Variants in CACNA2D2 observed in about 807,000 individuals in gnomAD.
The protein encoded by CACNA2D2 is voltage-dependent calcium channel subunit alpha-2/delta-2.
Under a neutral mutation model 166.4 loss-of-function variants are expected in CACNA2D2, and 48 were observed. The observed-to-expected ratio is 0.29, with a 90% CI of 0.23 to 0.37. The LOEUF (loss-of-function observed/expected upper bound fraction) is 0.37. Ranked by LOEUF, CACNA2D2 falls within the 10% of genes least tolerant of loss-of-function variation. The pLI, the probability that CACNA2D2 is intolerant of heterozygous loss-of-function variation, is 1.00. For missense variants in CACNA2D2, 1,122 were observed against 1,433.0 expected, an observed-to-expected ratio of 0.78 and a Z score of 3.50; for synonymous variants, 561 against 573.7, an observed-to-expected ratio of 0.98 and a Z score of 0.32.
chr3:50,488,174 C>T (rs1698368968), intron 1 of CACNA2D2, among the ~76,000 whole-genome samples: 1 of 152,192 alleles, frequency 6.6e-6, no homozygotes, highest in Non-Finnish European at 1.5e-5. Context: ...GGGCTCCACA[C>T]ACAGTGATGC....
At chr3:50,426,726 G>A (rs1046850718) in intron 3 of CACNA2D2, among the ~76,000 whole-genome samples, 1 of 152,148 alleles carries the variant, frequency 6.6e-6, no homozygotes, top group African/African-American at 2.4e-5. Context: ...GAGGTCCCAG[G>A]AGAAGGGCCT....
chr3:50,493,040 G>T (rs187630953), intron 1 of CACNA2D2, among the ~76,000 whole-genome samples: 2 of 152,302 alleles, frequency 1.3e-5, no homozygotes, highest in East Asian at 1.9e-4. Context: ...AGCTTGTAGT[G>T]ACTGATGTGG....
intron 2 of CACNA2D2, among the ~76,000 whole-genome samples, chr3:50,437,835 AG>A (rs1393389929): frequency 2.0e-5 from 3 of 152,194 alleles, no homozygotes; most frequent in Non-Finnish European, 4.4e-5. Context: ...CAGAAAGGCC[AG>A]GGTGCACCGG....
intron 3 of CACNA2D2, among the ~76,000 whole-genome samples, chr3:50,398,444 G>C (rs967703451): frequency 3.3e-5 from 5 of 152,268 alleles, no homozygotes; most frequent in African/African-American, 7.2e-5. Flanking sequence ...AGTGTCTTGT[G>C]GCTGTCAAGT....
chr3:50,440,474 C>T (rs2282758), intron 2 of CACNA2D2, among the ~76,000 whole-genome samples: 20,416 of 152,336 alleles, frequency 0.13, 2,262 homozygotes, highest in East Asian at 0.41. Flanking sequence ...TCCTGTCACA[C>T]ACAGGTTTTG....
At chr3:50,444,692 C>T (rs547471317) in intron 2 of CACNA2D2, among the ~76,000 whole-genome samples, 75 of 152,352 alleles carry the variant, frequency 4.9e-4, no homozygotes, top group Non-Finnish European at 9.0e-4. Context: ...GCCCCAATCA[C>T]AGTAAGAGGT....
At chr3:50,440,638 T>G (rs1708544964) in intron 2 of CACNA2D2, among the ~76,000 whole-genome samples, 2 of 152,172 alleles carry the variant, frequency 1.3e-5, no homozygotes, top group Non-Finnish European at 2.9e-5. Flanking sequence ...CACAGCAGTG[T>G]GGGAGCAGAG....
At chr3:50,398,296 T>C (rs1227096213) in intron 3 of CACNA2D2, among the ~76,000 whole-genome samples, 1 of 152,054 alleles carries the variant, frequency 6.6e-6, no homozygotes, top group African/African-American at 2.4e-5. Flanking sequence ...GTCGCCCTGC[T>C]ACCAGGCCCT....
Position 50,503,274 on chromosome 3 carries a change from A to G in CACNA2D2, c.150T>C (p.Leu50=). 2.5e-6 allele frequency: 3 copies of G among 1,176,506 alleles called. No homozygotes were observed. The highest frequency in any genetic ancestry group is 3.2e-6 in the Non-Finnish European group (3 of 948,124). 72.9% of individuals were successfully genotyped at this position (1,176,506 alleles called of 1,614,324 possible). Residue 50 remains leucine (L), a synonymous_variant, in exon 1 of 38, where the codon CTT becomes CTC. Coordinates refer to ENST00000424201, the MANE Select transcript of CACNA2D2 (RefSeq NM_006030.4). ...PPRPLWLLLP[L]LPLLAAPGAS... is the part of the protein sequence containing the mutation. ...CGCCGGGGGCGGCGAGCAGCGGTAGAAGCGGCAGCAGCAGCCACAGCGGGC... is the reference window on the plus strand; with the variant it reads ...CGCCGGGGGCGGCGAGCAGCGGTAGGAGCGGCAGCAGCAGCCACAGCGGGC...
intron 3 of CACNA2D2, among the ~76,000 whole-genome samples, chr3:50,418,681 C>T (rs778465676): frequency 1.7e-4 from 26 of 152,228 alleles, no homozygotes; most frequent in Admixed American, 1.6e-3. Flanking sequence ...CTCTTCTCTG[C>T]GGCATCCTGG....
At chr3:50,412,394 G>A (rs972837886) in intron 3 of CACNA2D2, among the ~76,000 whole-genome samples, 6 of 152,286 alleles carry the variant, frequency 3.9e-5, no homozygotes, top group Non-Finnish European at 5.9e-5. Context: ...TTGAGATAAC[G>A]AATCGCTCCA....
intron 1 of CACNA2D2, among the ~76,000 whole-genome samples, chr3:50,481,968 G>A (rs779262877): frequency 2.7e-4 from 41 of 152,162 alleles, no homozygotes; most frequent in Non-Finnish European, 4.6e-4. Context: ...GTATTCCAGC[G>A]TGGGTGACAG....
intron 2 of CACNA2D2, among the ~76,000 whole-genome samples, chr3:50,453,967 GC>G (rs1370032261): frequency 6.6e-6 from 1 of 152,238 alleles, no homozygotes; most frequent in Admixed American, 6.5e-5. Context: ...GTTCTGCCCT[GC>G]CCCCGCCTCA....
At position 50,366,246 on chromosome 3, in the gene CACNA2D2, C is replaced by CA; in HGVS notation, c.2709+20dup. ...GGCTCAAATCCCTACTCTCTTCTTT[C>CA]ACTCTCTTCCTGATCCTCACCTGGT... On this transcript the variant is annotated intron_variant, in intron 31 of 37. Coordinates refer to ENST00000424201, the MANE Select transcript of CACNA2D2 (RefSeq NM_006030.4). The surrounding 1 kb of genome is among the most constrained non-coding windows in gnomAD (Gnocchi z 5.9). 1 of 1,614,064 alleles carries CA rather than the reference C, an allele frequency of 6.2e-7. No homozygotes were observed. Among genetic ancestry groups the CA allele is most frequent in the Non-Finnish European group, 8.5e-7 (1 of 1,179,952 alleles).
At chr3:50,395,816 T>G (rs1187286388) in intron 3 of CACNA2D2, among the ~76,000 whole-genome samples, 1 of 152,110 alleles carries the variant, frequency 6.6e-6, no homozygotes, top group African/African-American at 2.4e-5. Flanking sequence ...CCAGCCCCAT[T>G]GGGCTGGCTA....
At chr3:50,415,302 T>G (rs1032358524) in intron 3 of CACNA2D2, among the ~76,000 whole-genome samples, 2 of 152,236 alleles carry the variant, frequency 1.3e-5, no homozygotes, top group Non-Finnish European at 2.9e-5. Context: ...CAGAGAGAGC[T>G]GAGCCCCGTG....
chr3:50,456,045 A>G (rs1709345791), intron 2 of CACNA2D2, among the ~76,000 whole-genome samples: 2 of 152,282 alleles, frequency 1.3e-5, no homozygotes, highest in Admixed American at 1.3e-4. Flanking sequence ...CTGCAGCCCT[A>G]CATATACACA....
At chr3:50,418,739 G>A (rs926435682) in intron 3 of CACNA2D2, among the ~76,000 whole-genome samples, 1 of 152,262 alleles carries the variant, frequency 6.6e-6, no homozygotes, top group Non-Finnish European at 1.5e-5. Context: ...GCAGGGTGGA[G>A]AGGGAGAATG....
At chr3:50,412,080 G>T (rs1707045812) in intron 3 of CACNA2D2, among the ~76,000 whole-genome samples, 1 of 152,238 alleles carries the variant, frequency 6.6e-6, no homozygotes, top group Non-Finnish European at 1.5e-5. Context: ...GAGCCCATGG[G>T]CTCAGCTAGA....
Sources: allele counts gnomAD v4.1 joint callset (sites outside exome capture counted in the v4.1 genomes callset), GRCh38; gene constraint gnomAD v4.1.1; non-coding constraint Gnocchi (gnomAD v3.1); transcripts MANE v1.5; gene names NCBI Gene and HGNC (gene_info 2026-07-23, HGNC 2026-07-21).